DMBT1: variants seen among roughly 807,000 people sequenced by gnomAD.
DMBT1 encodes the protein scavenger receptor cysteine-rich domain-containing protein DMBT1.
In DMBT1, 198 loss-of-function variants were observed where a neutral mutation model predicts 252.9. That is an observed-to-expected ratio of 0.78 (90% confidence interval 0.70 to 0.88). DMBT1 has a LOEUF of 0.88. DMBT1 is among the 40% of genes least tolerant of loss of function. The pLI is 0.00. For synonymous variants in DMBT1, 990 were observed against 942.7 expected (o/e 1.05, Z -0.92); for missense variants, 2,432 against 2,404.7 (o/e 1.01, Z -0.24).
At chr10:122,627,537 TTTAG>T (rs1277879210) in intron 46 of DMBT1, among the ~76,000 whole-genome samples, 2 of 152,248 alleles carry the variant, frequency 1.3e-5, no homozygotes, top group African/African-American at 4.8e-5. Flanking sequence ...TATATCATCA[TTTAG>T]TTAAACGGTT....
At chr10:122,634,453 TCTC>T (rs1566008845) in intron 52 of DMBT1, among the ~76,000 whole-genome samples, 11 of 89,724 alleles carry the variant, frequency 1.2e-4, no homozygotes, top group African/African-American at 9.3e-4. Context: ...TCTCTCTCTC[TCTC>T]TCTCTCTCTC....
intron 1 of DMBT1, among the ~76,000 whole-genome samples, chr10:122,563,187 C>T (rs937338877): frequency 4.6e-5 from 7 of 152,200 alleles, no homozygotes; most frequent in Non-Finnish European, 8.8e-5. Context: ...GGCTGTGGTA[C>T]CCACTGCTAG....
chr10:122,576,264 G>A, intron 6 of DMBT1, 135 bp from the exon 7 acceptor site: 1 of 1,303,740 alleles, frequency 7.7e-7, no homozygotes, highest in Non-Finnish European at 1.0e-6. Flanking sequence ...TAACCTTAAG[G>A]CCTGTTAAAG....
In DMBT1 at chr10:122,625,984, A is replaced by G; in HGVS notation, c.5668+19A>G. Reference sequence around the variant, plus strand: ...ACTGCAAGTAGGTATCACATTTTCTACCTGAACCATAGGTCATACATTTCT... The same window carrying G: ...ACTGCAAGTAGGTATCACATTTTCTGCCTGAACCATAGGTCATACATTTCT... On this transcript the variant is annotated intron_variant, in intron 46 of 55. Coordinates refer to ENST00000338354, the MANE Select transcript of DMBT1 (RefSeq NM_001377530.1). 2 of 1,601,472 alleles carry G rather than the reference A, an allele frequency of 1.2e-6. No individual in the cohort carries two copies. Among genetic ancestry groups the G allele is most frequent in the Non-Finnish European group, 1.7e-6 (2 of 1,168,518 alleles).
chr10:122,593,172 G>A, intron 20 of DMBT1, among the ~76,000 whole-genome samples: 1 of 148,864 alleles, frequency 6.7e-6, no homozygotes, highest in Non-Finnish European at 1.5e-5. Context: ...TCTGGTGTGG[G>A]GAGGGCAGCC....
intron 16 of DMBT1, among the ~76,000 whole-genome samples, 200 bp downstream of exon 16, chr10:122,586,583 A>G (rs1158824667): frequency 1.3e-4 from 19 of 148,606 alleles, no homozygotes; most frequent in African/African-American, 4.6e-4. Flanking sequence ...AATGGGCCAA[A>G]GTGAAATAAG....
At chr10:122,590,034 G>C (rs2097835418) in intron 17 of DMBT1, among the ~76,000 whole-genome samples, 1 of 148,534 alleles carries the variant, frequency 6.7e-6, no homozygotes, top group African/African-American at 2.4e-5. Flanking sequence ...AGCACATATA[G>C]GTGTTGGGGG....
rs1340844922 is a variant in DMBT1, at chr10:122,632,119, G to C, written c.6367+244G>C. 2.0e-5 allele frequency among the ~76,000 whole-genome samples: 3 copies of C among 152,136 alleles called. No individual in the cohort carries two copies. The East Asian group carries it at 5.8e-4, about 29-fold the overall frequency. On this transcript the variant is annotated intron_variant, in intron 50 of 55. Coordinates refer to ENST00000338354, the MANE Select transcript of DMBT1 (RefSeq NM_001377530.1). Reference sequence around the variant, plus strand: ...CCGAGGTGAGGCCCGCCACCTGTCAGATTTGACTGTCCTCACAGACACCAG... The same window carrying C: ...CCGAGGTGAGGCCCGCCACCTGTCACATTTGACTGTCCTCACAGACACCAG...
intron 7 of DMBT1, among the ~76,000 whole-genome samples, chr10:122,577,272 T>C (rs1194196823): frequency 6.6e-6 from 1 of 152,196 alleles, no homozygotes; most frequent in African/African-American, 2.4e-5. Context: ...TTGAGTGTTG[T>C]CAGCCGCTGA....
rs200386986 is a variant in DMBT1 at position 122,579,740 on chromosome 10, T to C, written c.842T>C (p.Met281Thr). 3.3e-4 allele frequency: 533 copies of C among 1,613,810 alleles called. 5 individuals carry two copies. The African/African-American group carries it at 3.6e-3, about 11-fold the overall frequency. Reference protein sequence around the residue: ...VCRQLGCGWAMSAPGNAQFGQ... With the variant: ...VCRQLGCGWATSAPGNAQFGQ... ...AGGCAGCTGGGCTGTGGCTGGGCCA[T>C]GTCAGCCCCAGGAAATGCCCAGTTT... The change falls in exon 10 of 56, where the codon ATG becomes ACG. Residue 281 changes from methionine (M) to threonine (T), a missense_variant. This residue lies in a region of DMBT1 where 1,264 missense variants were observed against 1,082.2 expected (regional missense o/e 1.17). Coordinates refer to ENST00000338354, the MANE Select transcript of DMBT1 (RefSeq NM_001377530.1).
At chr10:122,573,288 G>A (rs1006976641) in intron 5 of DMBT1, among the ~76,000 whole-genome samples, 1 of 138,778 alleles carries the variant, frequency 7.2e-6, no homozygotes, top group Admixed American at 7.7e-5. Context: ...ATTCTGGAAA[G>A]GTTGGTTTTC....
intron 2 of DMBT1, among the ~76,000 whole-genome samples, chr10:122,566,897 T>C (rs749279446): frequency 2.6e-5 from 4 of 152,216 alleles, no homozygotes; most frequent in East Asian, 1.9e-4. Context: ...TCAATATTTC[T>C]ATGTCTAAGA....
chr10:122,641,029 C>G (rs1478984714), intron 55 of DMBT1, among the ~76,000 whole-genome samples: 2 of 152,180 alleles, frequency 1.3e-5, no homozygotes, highest in Admixed American at 1.3e-4. Context: ...GAGTGTGCAG[C>G]AGGTGGTCCA....
In DMBT1 at chr10:122,631,087, T is replaced by TG. The variant is rs758523824; in HGVS notation, c.6154dup (p.Val2052GlyfsTer54). 19 of 1,613,806 alleles carry TG rather than the reference T, an allele frequency of 1.2e-5. No homozygotes were observed. Among genetic ancestry groups the TG allele is most frequent in the Non-Finnish European group, 1.5e-5 (18 of 1,179,882 alleles). ...TCCTGGACCATTCAGGAAGCTGAGG[T>TG]GGTCTGCAGACAGCTAGGGTGTGGA... is the stretch of plus-strand genomic sequence containing the variant. On this transcript the variant is annotated frameshift_variant, in exon 49 of 56. Transcript: ENST00000338354. LOFTEE classifies it high-confidence loss of function.
At position 122,600,237 on chromosome 10, in the gene DMBT1, G is replaced by T. The variant is rs796401127; in HGVS notation, c.3310+144G>T. The T allele has an allele frequency of 7.8e-6, 10 of 1,276,456 alleles. 1 individual carries two copies. The Admixed American group carries it at 1.9e-4, about 24-fold the overall frequency. 79.1% of individuals were successfully genotyped at this position (1,276,456 alleles called of 1,614,324 possible). On this transcript the variant is annotated intron_variant, in intron 27 of 55. Transcript: ENST00000338354. ...CCCCCAACACCAGTTGTGTAACTGAGACCCCAGCACAGCGCTTTTTAAACA... is the reference window on the plus strand; with the variant it reads ...CCCCCAACACCAGTTGTGTAACTGATACCCCAGCACAGCGCTTTTTAAACA...
intron 41 of DMBT1, 65 bp downstream of exon 41, chr10:122,618,405 T>C (rs1315762530): frequency 1.9e-6 from 3 of 1,612,324 alleles, no homozygotes; most frequent in Non-Finnish European, 2.5e-6. Context: ...AAAATCCTAA[T>C]TACATTCTGA....
chr10:122,621,143 G>A lies in DMBT1; in HGVS notation c.5371G>A (p.Gly1791Arg), dbSNP rs2098063731. 4 of 1,613,824 alleles carry A rather than the reference G, an allele frequency of 2.5e-6. No homozygotes were observed. In the East Asian group the frequency reaches 8.9e-5, roughly 36 times the overall value. Residue 1791 changes from glycine to arginine, a missense_variant, in exon 44 of 56, where the codon GGA becomes AGA. By Grantham distance (125) the Gly-to-Arg change is moderately radical. Transcript: ENST00000338354. The stretch of plus-strand genomic sequence containing the variant: ...GGAGGTCCTGTATCGAGGCTCCTGG[G>A]GAACCGTGTGTGATGACAGCTGGGA... ...RVEVLYRGSW[G>R]TVCDDSWDTN...
chr10:122,634,445 TCTC>T (rs2098204734), intron 52 of DMBT1, among the ~76,000 whole-genome samples: 4 of 65,000 alleles, frequency 6.2e-5, no homozygotes, highest in African/African-American at 1.6e-4. Context: ...TCTCTCTCTC[TCTC>T]TCTCTCTCTC....
chr10:122,567,746 G>A (rs1274702476), intron 2 of DMBT1, among the ~76,000 whole-genome samples: 1 of 152,142 alleles, frequency 6.6e-6, no homozygotes, highest in Non-Finnish European at 1.5e-5. Context: ...TGACTTCCCA[G>A]CATGGCCAGC....
Sources: allele counts gnomAD v4.1 joint callset (sites outside exome capture counted in the v4.1 genomes callset), GRCh38; gene constraint gnomAD v4.1.1; regional missense constraint gnomAD v4.1.1; transcripts MANE v1.5; gene names NCBI Gene and HGNC (gene_info 2026-07-23, HGNC 2026-07-21).